COL22A1: variants seen among roughly 807,000 people sequenced by gnomAD.
COL22A1 encodes collagen type XXII alpha 1 chain.
Under a neutral mutation model 248.9 loss-of-function variants are expected in COL22A1, and 221 were observed. The ratio of observed to expected loss-of-function variants is 0.89; its 90% CI spans 0.80 to 0.99. The LOEUF (loss-of-function observed/expected upper bound fraction) is 0.99, where lower values mean the gene tolerates loss of function less well. Among genes scored for constraint, COL22A1 ranks in the 50% least tolerant of loss-of-function variants. The pLI is 0.00. For missense variants in COL22A1, 2,240 were observed against 2,179.0 expected (o/e 1.03, Z -0.56); for synonymous variants, 891 against 793.4 (o/e 1.12, Z -2.07).
chr8:138,741,082 A>C (rs999166977), intron 22 of COL22A1, among the ~76,000 whole-genome samples: 1 of 152,178 alleles, frequency 6.6e-6, no homozygotes, highest in Non-Finnish European at 1.5e-5. Flanking sequence ...CAAGAGCCCA[A>C]ATGGACTGCT....
At chr8:138,702,504 C>G (rs1828047407) in intron 31 of COL22A1, among the ~76,000 whole-genome samples, 1 of 152,152 alleles carries the variant, frequency 6.6e-6, no homozygotes, top group Middle Eastern at 3.4e-3. Context: ...CTGGCCAACT[C>G]CTGATACATG....
intron 12 of COL22A1, among the ~76,000 whole-genome samples, chr8:138,790,482 TG>T (rs1404965998): frequency 6.6e-6 from 1 of 152,226 alleles, no homozygotes; most frequent in East Asian, 1.9e-4. Flanking sequence ...GTCAACACTC[TG>T]GGAGAGAGGC....
chr8:138,760,535 A>T (rs1338065826), intron 17 of COL22A1, among the ~76,000 whole-genome samples: 1 of 152,156 alleles, frequency 6.6e-6, no homozygotes, highest in Non-Finnish European at 1.5e-5. Context: ...TGGATAACAC[A>T]TTCTGAGAAA....
intron 57 of COL22A1, among the ~76,000 whole-genome samples, chr8:138,607,292 C>T (rs1273852034): frequency 6.6e-6 from 1 of 152,114 alleles, no homozygotes; most frequent in African/African-American, 2.4e-5. Context: ...CCAATTTTAG[C>T]AAGTAAAAAT....
At chr8:138,872,831 G>A (rs1334858544) in intron 3 of COL22A1, among the ~76,000 whole-genome samples, 1 of 152,236 alleles carries the variant, frequency 6.6e-6, no homozygotes, top group Non-Finnish European at 1.5e-5. Flanking sequence ...AGGGAGGTCA[G>A]ATATGATGCC....
chr8:138,714,068 C>G lies in COL22A1; in HGVS notation c.2517+1614G>C, dbSNP rs529979371. Among the ~76,000 whole-genome samples the G allele has an allele frequency of 4.9e-4, 74 of 152,292 alleles. 1 individual carries two copies. The highest frequency in any genetic ancestry group is 1.6e-3 in the African/African-American group (66 of 41,560). On this transcript the variant is annotated intron_variant, in intron 30 of 64. Transcript: ENST00000303045. ...AGGTTGGAGAGAGTAGGCATACATC[C>G]TCTGTTACACTGTGATTTAAAAAGT...
At chr8:138,778,317 G>T (rs752282123) in intron 15 of COL22A1, 36 bp downstream of exon 15, 2 of 1,613,466 alleles carry the variant, frequency 1.2e-6, no homozygotes, top group South Asian at 2.2e-5. Context: ...CTGGAGAAGG[G>T]GTAGAACCCC....
chr8:138,695,877 G>A (rs1827465320), intron 32 of COL22A1, among the ~76,000 whole-genome samples: 1 of 152,040 alleles, frequency 6.6e-6, no homozygotes, highest in South Asian at 2.1e-4. Flanking sequence ...ACAGCTGAAG[G>A]GCCACTGTGC....
intron 5 of COL22A1, among the ~76,000 whole-genome samples, chr8:138,829,271 C>T (rs552333813): frequency 3.3e-4 from 50 of 152,312 alleles, no homozygotes; most frequent in African/African-American, 1.2e-3. Context: ...GAGACACCCT[C>T]AGTCACTGCC....
At chr8:138,801,289 C>T (rs983446627) in intron 11 of COL22A1, among the ~76,000 whole-genome samples, 2 of 152,194 alleles carry the variant, frequency 1.3e-5, no homozygotes, top group Non-Finnish European at 2.9e-5. Context: ...AAACCAGTGT[C>T]ATTCCCATTA....
chr8:138,657,269 T>C (rs549626068), intron 44 of COL22A1, among the ~76,000 whole-genome samples: 55 of 152,384 alleles, frequency 3.6e-4, no homozygotes, highest in Admixed American at 9.8e-4. Context: ...TATAGCAATT[T>C]ATTAAAACTT....
chr8:138,641,351 C>A (rs908868762), intron 47 of COL22A1, among the ~76,000 whole-genome samples: 1 of 152,148 alleles, frequency 6.6e-6, no homozygotes, highest in Non-Finnish European at 1.5e-5. Context: ...CCTTTAGGTC[C>A]TATTACTGGT....
intron 16 of COL22A1, among the ~76,000 whole-genome samples, chr8:138,763,704 A>T (rs574040005): frequency 3.2e-4 from 49 of 152,234 alleles, no homozygotes; most frequent in African/African-American, 1.1e-3. Context: ...AGACACAGCC[A>T]CTTTGTTCCG....
At chr8:138,839,827 G>T (rs566283372) in intron 4 of COL22A1, among the ~76,000 whole-genome samples, 8 of 152,312 alleles carry the variant, frequency 5.3e-5, no homozygotes, top group Non-Finnish European at 1.2e-4. Context: ...TAGAAAAGTT[G>T]CCTAACGCTT....
intron 1 of COL22A1, among the ~76,000 whole-genome samples, chr8:138,885,194 C>A (rs945542373): frequency 6.6e-6 from 1 of 152,198 alleles, no homozygotes; most frequent in Admixed American, 6.5e-5. Flanking sequence ...CATGCTCTCA[C>A]CCTGCACTCT....
intron 41 of COL22A1, among the ~76,000 whole-genome samples, chr8:138,666,849 G>A (rs896583007): frequency 2.0e-4 from 31 of 152,148 alleles, no homozygotes; most frequent in Middle Eastern, 3.2e-3. Flanking sequence ...TGAAGGATGC[G>A]TTTTTAAATT....
At chr8:138,711,334 G>A (rs1297047744) in intron 30 of COL22A1, among the ~76,000 whole-genome samples, 1 of 152,214 alleles carries the variant, frequency 6.6e-6, no homozygotes, top group Non-Finnish European at 1.5e-5. Context: ...TCAGAAGAGG[G>A]CAATGTTGCC....
At chr8:138,604,698 G>A in intron 59 of COL22A1, 36 bp downstream of exon 59, 1 of 1,602,732 alleles carries the variant, frequency 6.2e-7, no homozygotes, top group African/African-American at 1.3e-5. Context: ...TGGTGGTAAA[G>A]GGTTGCCAAG....
intron 42 of COL22A1, among the ~76,000 whole-genome samples, chr8:138,663,012 T>TCACACACACACACACACA (rs1238032353): frequency 0.015 from 2,118 of 140,826 alleles, 57 homozygotes; most frequent in African/African-American, 0.044. Context: ...CAGGACTCTG[T>TCACACACACACACACACA]CACTCACACA....
Sources: allele counts gnomAD v4.1 joint callset (sites outside exome capture counted in the v4.1 genomes callset), GRCh38; gene constraint gnomAD v4.1.1; transcripts MANE v1.5; gene names NCBI Gene and HGNC (gene_info 2026-07-23, HGNC 2026-07-21).